FNIP2: variants seen among roughly 807,000 people sequenced by gnomAD.
FNIP2 encodes the protein folliculin-interacting protein 2.
Under a neutral mutation model 108.7 loss-of-function variants are expected in FNIP2, and 32 were observed. The observed-to-expected ratio is 0.29, with a 90% CI of 0.22 to 0.40. The LOEUF (loss-of-function observed/expected upper bound fraction) is 0.40, where lower values mean the gene tolerates loss of function less well. Ranked by LOEUF, FNIP2 falls within the 10% of genes least tolerant of loss-of-function variation. The pLI is 1.00. For synonymous variants in FNIP2, 480 were observed against 496.7 expected (o/e 0.97, Z 0.45); for missense variants, 1,202 against 1,381.6 (o/e 0.87, Z 2.06).
chr4:158,862,197 C>A (rs754025620), intron 12 of FNIP2, among the ~76,000 whole-genome samples: 1 of 152,134 alleles, frequency 6.6e-6, no homozygotes, highest in Non-Finnish European at 1.5e-5. Flanking sequence ...CCTCCCACCT[C>A]CCGCCCCAAG....
At chr4:158,841,357 G>C (rs1352520930) in intron 7 of FNIP2, among the ~76,000 whole-genome samples, 1 of 152,160 alleles carries the variant, frequency 6.6e-6, no homozygotes, top group Non-Finnish European at 1.5e-5. Context: ...GGAGCAGAAA[G>C]GGAAGAGGGA....
At chr4:158,831,732 T>A in intron 3 of FNIP2, 129 bp from the exon 4 acceptor site, 1 of 654,904 alleles carries the variant, frequency 1.5e-6, no homozygotes, top group Non-Finnish European at 2.7e-6. Context: ...GATTGTAAGA[T>A]GACCACTTGA....
At chr4:158,879,689 A>G (rs1385417113) in intron 14 of FNIP2, among the ~76,000 whole-genome samples, 2 of 150,302 alleles carry the variant, frequency 1.3e-5, no homozygotes, top group African/African-American at 5.0e-5. Flanking sequence ...TTTGCAATCT[A>G]CCCATCTGAC....
intron 6 of FNIP2, chr4:158,834,340 G>GCTCTC (rs1778674596): frequency 4.5e-4 from 5 of 11,008 alleles, no homozygotes; most frequent in Non-Finnish European, 8.6e-4. Context: ...CCCTCTCTAA[G>GCTCTC]TAGTGTAAAT....
At chr4:158,850,546 A>G (rs1311828702) in intron 7 of FNIP2, among the ~76,000 whole-genome samples, 2 of 150,884 alleles carry the variant, frequency 1.3e-5, no homozygotes, top group African/African-American at 4.9e-5. Flanking sequence ...AAGCAGAGAA[A>G]GGTTCAGAGG....
intron 14 of FNIP2, among the ~76,000 whole-genome samples, chr4:158,883,045 CAG>C (rs892689614): frequency 1.3e-4 from 19 of 149,276 alleles, no homozygotes; most frequent in African/African-American, 4.4e-4. Context: ...ATTAATAAAT[CAG>C]AAACTACAAG....
At chr4:158,900,974 G>T (rs1479711965) in intron 16 of FNIP2, among the ~76,000 whole-genome samples, 1 of 152,066 alleles carries the variant, frequency 6.6e-6, no homozygotes, top group Non-Finnish European at 1.5e-5. Context: ...GGCTGGTACC[G>T]CTTTTTCCTT....
At chr4:158,893,885 T>G (rs1782456452) in intron 15 of FNIP2, among the ~76,000 whole-genome samples, 1 of 152,210 alleles carries the variant, frequency 6.6e-6, no homozygotes, top group African/African-American at 2.4e-5. Context: ...GACAGAAGTG[T>G]GTTCAAGCAC....
chr4:158,847,074 G>A lies in FNIP2; in HGVS notation c.728-4247G>A, dbSNP rs111299327. On this transcript the variant is annotated intron_variant, in intron 7 of 16. Coordinates refer to ENST00000264433, the MANE Select transcript of FNIP2 (RefSeq NM_020840.3). ...ACTCCAGCCCTAGCCAGAAGGAAGC[G>A]CCCATCCCAGCAGCTGGAACTTGAG... 3.9e-3 allele frequency among the ~76,000 whole-genome samples: 597 copies of A among 152,304 alleles called. 1 individual carries two copies. The highest frequency in any genetic ancestry group is 0.013 in the African/African-American group (546 of 41,560).
chr4:158,825,209 T>A (rs1778089401), intron 1 of FNIP2, among the ~76,000 whole-genome samples: 1 of 152,226 alleles, frequency 6.6e-6, no homozygotes, highest in Non-Finnish European at 1.5e-5. Flanking sequence ...TAAATGATTA[T>A]CTTTTCTGTA....
chr4:158,882,737 C>G (rs1430063538), intron 14 of FNIP2, among the ~76,000 whole-genome samples: 1 of 152,202 alleles, frequency 6.6e-6, no homozygotes, highest in East Asian at 1.9e-4. Context: ...TGTGTCCACT[C>G]AGGGTTAAAT....
intron 1 of FNIP2, among the ~76,000 whole-genome samples, chr4:158,810,632 A>G (rs1203888607): frequency 6.6e-6 from 1 of 152,142 alleles, no homozygotes; most frequent in Non-Finnish European, 1.5e-5. Flanking sequence ...TAAATCAGCA[A>G]TCTTAATATA....
chr4:158,859,978 A>G (rs566990297), intron 10 of FNIP2, among the ~76,000 whole-genome samples: 1 of 152,304 alleles, frequency 6.6e-6, no homozygotes, highest in African/African-American at 2.4e-5. Context: ...AGCCCTAAGC[A>G]CTACTAACCC....
chr4:158,799,779 C>T (rs897691225), intron 1 of FNIP2, among the ~76,000 whole-genome samples: 1 of 152,098 alleles, frequency 6.6e-6, no homozygotes, highest in Non-Finnish European at 1.5e-5. Context: ...CTATTAATTT[C>T]AGGGGAATTA....
chr4:158,865,999 G>A (rs1780553916), intron 12 of FNIP2, among the ~76,000 whole-genome samples: 1 of 151,012 alleles, frequency 6.6e-6, no homozygotes, highest in Admixed American at 6.6e-5. Context: ...GGTCCCAGGG[G>A]GAGGTACTTT....
At chr4:158,881,984 G>A (rs1243439236) in intron 14 of FNIP2, among the ~76,000 whole-genome samples, 3 of 151,604 alleles carry the variant, frequency 2.0e-5, no homozygotes, top group Non-Finnish European at 2.9e-5. Context: ...CTTCCCGGCC[G>A]CCATCCAGTC....
rs1268578019 is a variant in FNIP2, at chr4:158,891,625, G to C, written c.3129G>C (p.Lys1043Asn). ...SLLQSILQLY[K>N]LHLPADFCIM... ...TTCAGTCCATTTTACAGCTCTATAA[G>C]CTTCACCTCCCTGCTGATTTTGTAA... The change falls in exon 15 of 17, where the codon AAG becomes AAC. Residue 1043 changes from lysine (K) to asparagine (N), a missense_variant. By Grantham distance (94) the Lys-to-Asn change is moderately conservative (BLOSUM62 0). Transcript: ENST00000264433. 1 of 1,612,324 alleles carries C rather than the reference G, an allele frequency of 6.2e-7. No homozygotes were observed. The highest frequency in any genetic ancestry group is 1.1e-5 in the South Asian group (1 of 90,758).
intron 7 of FNIP2, among the ~76,000 whole-genome samples, chr4:158,846,617 G>A (rs1215581669): frequency 6.6e-6 from 1 of 152,134 alleles, no homozygotes; most frequent in Non-Finnish European, 1.5e-5. Flanking sequence ...CAGAAAGGTT[G>A]TGATACCTTT....
intron 7 of FNIP2, among the ~76,000 whole-genome samples, chr4:158,840,420 A>AG (rs1779061195): frequency 6.6e-6 from 1 of 151,842 alleles, no homozygotes; most frequent in African/African-American, 2.4e-5. Flanking sequence ...TTTTGAGACA[A>AG]GGTTTCGCTT....
Sources: allele counts gnomAD v4.1 joint callset (sites outside exome capture counted in the v4.1 genomes callset), GRCh38; gene constraint gnomAD v4.1.1; transcripts MANE v1.5; gene names NCBI Gene and HGNC (gene_info 2026-07-23, HGNC 2026-07-21).